ZNF564: variants seen among roughly 807,000 people sequenced by gnomAD.
The protein encoded by ZNF564 is zinc finger protein 564.
Under a neutral mutation model 10.5 loss-of-function variants are expected in ZNF564, and 5 were observed. The observed-to-expected ratio is 0.48, with a 90% CI of 0.25 to 1.00. The LOEUF (loss-of-function observed/expected upper bound fraction) is 1.00. Ranked by LOEUF, ZNF564 falls within the 50% of genes least tolerant of loss-of-function variation. ZNF564 has a pLI of 0.16. For missense variants in ZNF564, 603 were observed against 669.7 expected (o/e 0.90, Z 1.10); for synonymous variants, 242 against 218.1 (o/e 1.11, Z -0.97).
intron 1 of ZNF564, among the ~76,000 whole-genome samples, chr19:12,545,086 C>T (rs190221749): frequency 1.8e-4 from 28 of 152,010 alleles, no homozygotes; most frequent in African/African-American, 6.3e-4. Context: ...CGGAGAAACC[C>T]CCCGTCTCTA....
At position 12,551,048 on chromosome 19, in the gene ZNF564, A is replaced by T. The variant is rs571632470; in HGVS notation, c.3+282T>A. 2.9e-3 allele frequency among the ~76,000 whole-genome samples: 447 copies of T among 152,310 alleles called. 1 individual carries two copies. The highest frequency in any genetic ancestry group is 4.6e-3 in the Non-Finnish European group (315 of 68,012). On this transcript the variant is annotated intron_variant, in intron 1 of 3. Transcript: ENST00000339282. ...ATGACCCTCCCGTGTCCCAGTACAA[A>T]CAATCTGGAGAGAGGCGGGGCTGCG...
intron 1 of ZNF564, among the ~76,000 whole-genome samples, chr19:12,531,155 G>T (rs778022082): frequency 6.6e-6 from 1 of 152,158 alleles, no homozygotes; most frequent in Non-Finnish European, 1.5e-5. Flanking sequence ...TCAACAAAAA[G>T]TTCTTCTCCA....
intron 1 of ZNF564, among the ~76,000 whole-genome samples, chr19:12,538,643 A>AT (rs1445787192): frequency 6.6e-6 from 1 of 151,866 alleles, no homozygotes; most frequent in Non-Finnish European, 1.5e-5. Context: ...AAATAAATAA[A>AT]AAATAAAAAA....
intron 1 of ZNF564, among the ~76,000 whole-genome samples, chr19:12,532,258 G>A (rs990320855): frequency 1.1e-4 from 17 of 151,386 alleles, no homozygotes; most frequent in South Asian, 4.2e-4. Flanking sequence ...TTTTTTGGCC[G>A]GGCGCGGTGG....
chr19:12,542,928 G>C (rs11879593), intron 1 of ZNF564, among the ~76,000 whole-genome samples: 1 of 151,988 alleles, frequency 6.6e-6, no homozygotes, highest in Non-Finnish European at 1.5e-5. Flanking sequence ...ATTGAATCCC[G>C]GAGGCAGAGT....
At chr19:12,551,193 G>A (rs1233569312) in intron 1 of ZNF564, 137 bp downstream of exon 1, 4 of 1,010,474 alleles carry the variant, frequency 4.0e-6, no homozygotes, top group African/African-American at 3.2e-5. Flanking sequence ...GGGGACAGAG[G>A]GCCGAGCTGC....
At position 12,525,864 on chromosome 19, in the gene ZNF564, G is replaced by A. The variant is rs2021670844; in HGVS notation, c.*582C>T. On this transcript the variant is annotated 3_prime_UTR_variant, in exon 4 of 4. Transcript: ENST00000339282. ...TCTCACTGCACCCTCTCATGGTGAA[G>A]GGCAAAGCTAGCTCTCTAGGGATTC... The A allele has an allele frequency of 6.6e-6, 1 of 152,648 alleles. No individual in the cohort carries two copies. The highest frequency in any genetic ancestry group is 1.5e-5 in the Non-Finnish European group (1 of 68,480). 9.5% of individuals were successfully genotyped at this position (152,648 alleles called of 1,614,324 possible). A position where few individuals can be genotyped will look rare whatever the true frequency, so the allele number is the denominator to read the frequency against.
chr19:12,536,960 C>CA (rs1401307703), intron 1 of ZNF564, among the ~76,000 whole-genome samples: 3 of 152,144 alleles, frequency 2.0e-5, no homozygotes, highest in Admixed American at 1.3e-4. Flanking sequence ...TTTTACCTGT[C>CA]AATCTCCTAT....
At chr19:12,551,185 G>A (rs2022251728) in intron 1 of ZNF564, 145 bp downstream of exon 1, 3 of 932,816 alleles carry the variant, frequency 3.2e-6, no homozygotes, top group Non-Finnish European at 5.0e-6. Context: ...GCGGCCGAGG[G>A]GACAGAGGGC....
intron 1 of ZNF564, among the ~76,000 whole-genome samples, chr19:12,540,109 G>C (rs954565909): frequency 1.3e-5 from 2 of 152,112 alleles, no homozygotes; most frequent in South Asian, 2.1e-4. Flanking sequence ...TTGACATAGG[G>C]TTGAGTACAC....
intron 1 of ZNF564, among the ~76,000 whole-genome samples, chr19:12,546,959 C>A (rs546659786): frequency 6.6e-6 from 1 of 152,098 alleles, no homozygotes; most frequent in Non-Finnish European, 1.5e-5. Flanking sequence ...AACAGACTAA[C>A]CTCAGGAAAA....
At position 12,528,598 on chromosome 19, in the gene ZNF564, C is replaced by T; in HGVS notation, c.102G>A (p.Arg34=). The T allele has an allele frequency of 6.2e-7, 1 of 1,613,900 alleles. No homozygotes were observed. The highest frequency in any genetic ancestry group is 1.3e-5 in the African/African-American group (1 of 75,020). Residue 34 remains arginine (R), a synonymous_variant, in exon 2 of 4, where the codon CGG becomes CGA. Coordinates refer to ENST00000339282, the MANE Select transcript of ZNF564 (RefSeq NM_144976.4). ...SQKKLYRDVM[R]ETFRNLACVG... ...CACAGGCCAGGTTTCTAAAGGTTTC[C>T]CGCATCACATCTCTGTAGAGTTTCT...
chr19:12,535,552 G>T (rs1278074562), intron 1 of ZNF564, among the ~76,000 whole-genome samples: 2 of 152,038 alleles, frequency 1.3e-5, no homozygotes, highest in Non-Finnish European at 2.9e-5. Context: ...GTAAACTATA[G>T]GTGATTTTTA....
At chr19:12,529,265 G>A (rs1223486933) in intron 1 of ZNF564, among the ~76,000 whole-genome samples, 1 of 151,920 alleles carries the variant, frequency 6.6e-6, no homozygotes, top group East Asian at 1.9e-4. Flanking sequence ...GTCTCTAATG[G>A]CAGGATCCAG....
chr19:12,527,671 C>T lies in ZNF564; in HGVS notation c.437G>A (p.Cys146Tyr). 1 of 1,614,208 alleles carries T rather than the reference C, an allele frequency of 6.2e-7. No homozygotes were observed. The highest frequency in any genetic ancestry group is 1.1e-5 in the South Asian group (1 of 91,090). ...YGEKPYKCKQ[C>Y]GKAFSSCQSF... ...TTGACAAGAACTGAAGGCTTTCCCA[C>T]ACTGCTTACATTTATATGGTTTCTC... Residue 146 changes from cysteine (C) to tyrosine (Y), a missense_variant, in exon 4 of 4, where the codon TGT becomes TAT. Transcript: ENST00000339282.
intron 1 of ZNF564, among the ~76,000 whole-genome samples, chr19:12,531,149 C>T (rs545136334): frequency 2.0e-5 from 3 of 152,100 alleles, no homozygotes; most frequent in Non-Finnish European, 2.9e-5. Context: ...GAAGAGTCAA[C>T]AAAAAGTTCT....
chr19:12,530,058 A>G (rs2021771214), intron 1 of ZNF564: 1 of 153,144 alleles, frequency 6.5e-6, no homozygotes, highest in Admixed American at 6.5e-5. Context: ...GTATCCATGA[A>G]TAAATAAATA....
Position 12,527,130 on chromosome 19 carries a change from C to T in ZNF564, c.978G>A (p.Lys326=). ...TCTCCCCAGTATGAGTTCTTTCATG[C>T]TTTCGAACATAACTGGGAAAAATAA... ...RAFIFPSYVR[K]HERTHTGEKP... Residue 326 remains lysine (K), a synonymous_variant, in exon 4 of 4, where the codon AAG becomes AAA. Transcript: ENST00000339282. The T allele has an allele frequency of 6.2e-7, 1 of 1,613,586 alleles. No homozygotes were observed. Among genetic ancestry groups the T allele is most frequent in the Non-Finnish European group, 8.5e-7 (1 of 1,179,884 alleles).
chr19:12,526,485 T>C lies in ZNF564; in HGVS notation c.1623A>G (p.Ser541=), dbSNP rs761093145. ...AGGTATTCGAAGGTTGTGTGATAAA[T>C]GAAAGCTTTCCCACATTCTTTACGT... ...KPYVKNVGKL[S]FITQPSNTCE... is the part of the protein sequence containing the mutation. Residue 541 remains serine (S), a synonymous_variant, in exon 4 of 4, where the codon TCA becomes TCG. Coordinates refer to ENST00000339282, the MANE Select transcript of ZNF564 (RefSeq NM_144976.4). The C allele has an allele frequency of 1.2e-6, 2 of 1,606,614 alleles. No homozygotes were observed. The highest frequency in any genetic ancestry group is 1.1e-5 in the South Asian group (1 of 89,816).
Sources: allele counts gnomAD v4.1 joint callset (sites outside exome capture counted in the v4.1 genomes callset), GRCh38; gene constraint gnomAD v4.1.1; transcripts MANE v1.5; gene names NCBI Gene and HGNC (gene_info 2026-07-23, HGNC 2026-07-21).